The following MAP2 variants were observed in gnomAD, a reference collection of about 807,000 sequenced individuals.
The protein encoded by MAP2 is microtubule-associated protein 2.
Under a neutral mutation model 137.6 loss-of-function variants are expected in MAP2, and 14 were observed. The ratio of observed to expected loss-of-function variants is 0.10; its 90% confidence interval spans 0.07 to 0.16. The LOEUF is 0.16. Among genes scored for constraint, MAP2 ranks in the 10% least tolerant of loss-of-function variants. The pLI, the probability that MAP2 is intolerant of heterozygous loss-of-function variation, is 1.00. For synonymous variants in MAP2, 786 were observed against 782.3 expected, an observed-to-expected ratio of 1.00 and a Z score of -0.08; for missense variants, 2,088 against 2,191.5, an observed-to-expected ratio of 0.95 and a Z score of 0.94.
chr2:209,470,016 C>T (rs1177439436), intron 1 of MAP2, among the ~76,000 whole-genome samples: 3 of 152,172 alleles, frequency 2.0e-5, no homozygotes, highest in Non-Finnish European at 4.4e-5. Flanking sequence ...GGTTTCTGTT[C>T]TGTAGGTCTA....
chr2:209,710,316 T>C (rs770871619), intron 13 of MAP2, 62 bp downstream of exon 13: 18 of 1,347,910 alleles, frequency 1.3e-5, no homozygotes, highest in Middle Eastern at 1.8e-4. Flanking sequence ...CTTCTTCATA[T>C]TGAAAACTAA....
intron 4 of MAP2, among the ~76,000 whole-genome samples, chr2:209,649,860 C>T (rs2094662446): frequency 6.6e-6 from 1 of 152,144 alleles, no homozygotes; most frequent in African/African-American, 2.4e-5. Flanking sequence ...TAAGCGAAAT[C>T]AGTATGGCTA....
intron 3 of MAP2, among the ~76,000 whole-genome samples, chr2:209,582,309 A>G (rs1219521023): frequency 6.6e-6 from 1 of 152,126 alleles, no homozygotes; most frequent in Admixed American, 6.6e-5. Flanking sequence ...CACTGGATAT[A>G]AAAGTGACAA....
intron 2 of MAP2, among the ~76,000 whole-genome samples, chr2:209,522,627 T>C (rs1275120275): frequency 1.3e-5 from 2 of 152,218 alleles, no homozygotes; most frequent in African/African-American, 2.4e-5. Flanking sequence ...AGGCCTGCAC[T>C]TGTAGGTCTC....
At chr2:209,673,500 A>C (rs975597499) in intron 5 of MAP2, among the ~76,000 whole-genome samples, 1 of 151,876 alleles carries the variant, frequency 6.6e-6, no homozygotes, top group African/African-American at 2.4e-5. Flanking sequence ...AAGAGAAAGA[A>C]TAGAAAAACA....
chr2:209,600,721 G>A (rs1173035494), intron 3 of MAP2, among the ~76,000 whole-genome samples: 1 of 152,186 alleles, frequency 6.6e-6, no homozygotes, highest in Non-Finnish European at 1.5e-5. Context: ...GGCTGACAGA[G>A]CCAGGACACG....
At chr2:209,706,571 C>A (rs1041433374) in intron 12 of MAP2, among the ~76,000 whole-genome samples, 1 of 151,934 alleles carries the variant, frequency 6.6e-6, no homozygotes, top group Non-Finnish European at 1.5e-5. Flanking sequence ...CTTCACAGTT[C>A]GCAAGTGGTT....
At chr2:209,526,571 A>G (rs2064089891) in intron 2 of MAP2, among the ~76,000 whole-genome samples, 1 of 145,374 alleles carries the variant, frequency 6.9e-6, no homozygotes, top group Admixed American at 6.9e-5. Context: ...TGCTTAGGAT[A>G]TATGCATTTA....
chr2:209,705,764 T>G, intron 12 of MAP2, 37 bp downstream of exon 12: 1 of 1,580,974 alleles, frequency 6.3e-7, no homozygotes, highest in Non-Finnish European at 8.7e-7. Context: ...TTTTAAGCAC[T>G]TTTTAAATCC....
chr2:209,656,189 G>A (rs560326831), intron 5 of MAP2, among the ~76,000 whole-genome samples: 1 of 152,126 alleles, frequency 6.6e-6, no homozygotes, highest in African/African-American at 2.4e-5. Context: ...TGACACCAGA[G>A]GGTGGGAGAG....
chr2:209,506,441 T>C (rs529255912), intron 1 of MAP2, among the ~76,000 whole-genome samples: 1 of 152,288 alleles, frequency 6.6e-6, no homozygotes. Flanking sequence ...TAGAAGAACA[T>C]ATGCTGTTTT....
chr2:209,473,921 G>T (rs575264140), intron 1 of MAP2, among the ~76,000 whole-genome samples: 1 of 152,220 alleles, frequency 6.6e-6, no homozygotes, highest in Admixed American at 6.5e-5. Flanking sequence ...GTTTCACTAG[G>T]AGAAAATGTG....
At chr2:209,614,407 A>C (rs1327211878) in intron 3 of MAP2, among the ~76,000 whole-genome samples, 1 of 152,056 alleles carries the variant, frequency 6.6e-6, no homozygotes, top group Non-Finnish European at 1.5e-5. Flanking sequence ...TGTTTCCAGC[A>C]ATCTCTATGC....
chr2:209,727,256 T>C (rs3754597), intron 14 of MAP2, among the ~76,000 whole-genome samples: 18,182 of 152,230 alleles, frequency 0.12, 1,399 homozygotes, highest in East Asian at 0.23. Flanking sequence ...TTTGAAATTC[T>C]CCTGTCCACA....
At chr2:209,586,377 A>G (rs2077722312) in intron 3 of MAP2, among the ~76,000 whole-genome samples, 1 of 152,140 alleles carries the variant, frequency 6.6e-6, no homozygotes, top group African/African-American at 2.4e-5. Context: ...TATAAATAAG[A>G]GCAAGGGAAA....
chr2:209,480,623 G>A (rs888578489), intron 1 of MAP2, among the ~76,000 whole-genome samples: 6 of 152,022 alleles, frequency 3.9e-5, no homozygotes, highest in Non-Finnish European at 8.8e-5. Context: ...ACATGATGCT[G>A]CTTTATGTAT....
At chr2:209,600,317 C>T (rs1311449211) in intron 3 of MAP2, among the ~76,000 whole-genome samples, 1 of 152,224 alleles carries the variant, frequency 6.6e-6, no homozygotes, top group African/African-American at 2.4e-5. Context: ...TGAGGCCATT[C>T]TTCTCTCAGG....
Position 209,709,928 on chromosome 2 carries a change from C to G in MAP2, c.4747C>G (p.Arg1583Gly), listed in dbSNP as rs760779247. ...TGTTAATACAGGGTCAGAGCCAATT[C>G]GCAGAGCAGGGAAGAGTGGTACCTC... is the stretch of plus-strand genomic sequence containing the variant. ...ARRTTRSEPIRRAGKSGTSTP... is the reference protein window; with the variant it reads ...ARRTTRSEPIGRAGKSGTSTP... Residue 1583 changes from arginine to glycine, a missense_variant, in exon 13 of 16, where the codon CGC (arginine) becomes GGC (glycine). By Grantham distance (125) the Arg-to-Gly change is moderately radical. This residue lies in a region of MAP2 where 591 missense variants were observed against 642.6 expected (regional missense o/e 0.92). Coordinates refer to ENST00000682079, the MANE Select transcript of MAP2 (RefSeq NM_001375505.1). The G allele has an allele frequency of 6.2e-7, 1 of 1,612,872 alleles. No homozygotes were observed. The highest frequency in any genetic ancestry group is 2.2e-5 in the East Asian group (1 of 44,858).
chr2:209,603,849 G>A (rs1244979768), intron 3 of MAP2, among the ~76,000 whole-genome samples: 2 of 152,102 alleles, frequency 1.3e-5, no homozygotes, highest in African/African-American at 2.4e-5. Flanking sequence ...CTATCTAAGG[G>A]CTGTATGTGC....
Sources: gnomAD v4.1 joint callset for allele counts (sites outside exome capture counted in the v4.1 genomes callset) on GRCh38, gnomAD v4.1.1 for gene constraint, gnomAD v4.1.1 regional missense constraint, MANE v1.5 for transcripts, NCBI Gene and HGNC (gene_info 2026-07-23, HGNC 2026-07-21) for gene names.